Variants in PI4KA observed in about 807,000 individuals in gnomAD.
The protein encoded by PI4KA is PI4-kinase alpha.
In PI4KA, 122 loss-of-function variants were observed where a neutral mutation model predicts 271.4. The ratio of observed to expected loss-of-function variants is 0.45; its 90% CI spans 0.39 to 0.52. The LOEUF is 0.52. Among genes scored for constraint, PI4KA ranks in the 20% least tolerant of loss-of-function variants. The probability of loss-of-function intolerance (pLI) is 0.00; values close to 1 mark genes in which losing one functional copy is unlikely to be tolerated. For synonymous variants in PI4KA, 1,041 were observed against 1,078.8 expected (o/e 0.96, Z 0.69); for missense variants, 1,969 against 2,769.1 (o/e 0.71, Z 6.48).
At chr22:20,840,137 G>A (rs1487194444) in intron 1 of PI4KA, among the ~76,000 whole-genome samples, 3 of 152,176 alleles carry the variant, frequency 2.0e-5, no homozygotes, top group South Asian at 2.1e-4. Flanking sequence ...CTAGAAGACA[G>A]CACGAAGACT....
intron 19 of PI4KA, chr22:20,779,055 A>T: frequency 4.5e-6 from 4 of 883,210 alleles, no homozygotes; most frequent in African/African-American, 1.7e-5. Context: ...GCAAACCTTT[A>T]AAGAAGGGAT....
chr22:20,739,764 A>AT (rs1271247554), intron 32 of PI4KA, among the ~76,000 whole-genome samples: 1 of 152,158 alleles, frequency 6.6e-6, no homozygotes, highest in African/African-American at 2.4e-5. Context: ...AATGCAAACT[A>AT]TAAAAAAGAA....
intron 19 of PI4KA, among the ~76,000 whole-genome samples, chr22:20,788,347 A>G (rs1269690350): frequency 6.6e-6 from 1 of 152,182 alleles, no homozygotes; most frequent in African/African-American, 2.4e-5. Flanking sequence ...TACCAGTAAG[A>G]AGAGTGGTAA....
At chr22:20,748,714 T>A (rs1930371083) in intron 28 of PI4KA, among the ~76,000 whole-genome samples, 1 of 152,210 alleles carries the variant, frequency 6.6e-6, no homozygotes, top group Non-Finnish European at 1.5e-5. Flanking sequence ...GGGGGACTCC[T>A]GGAGCTCCAG....
chr22:20,813,393 T>C lies in PI4KA; in HGVS notation c.970A>G (p.Ile324Val), dbSNP rs747346817. 4 of 1,613,666 alleles carry C rather than the reference T, an allele frequency of 2.5e-6. No individual in the cohort carries two copies. The highest frequency in any genetic ancestry group is 2.2e-5 in the South Asian group (2 of 91,090). ...FNGVTYKEFN[I>V]PLEMLRELLN... ...AGTTCCCGAAGCATTTCCAATGGAA[T>C]GTTAAACTCCTTATATGTGACACCG... is the stretch of plus-strand genomic sequence containing the variant. Residue 324 changes from isoleucine (I) to valine (V), a missense_variant, in exon 8 of 55, where the codon ATT becomes GTT. Physicochemically the swap from Ile to Val is conservative, Grantham distance 29. This residue lies in a region of PI4KA where 540 missense variants were observed against 555.5 expected (regional missense o/e 0.97). Coordinates refer to ENST00000255882, the MANE Select transcript of PI4KA (RefSeq NM_058004.4).
At chr22:20,801,944 G>C in intron 14 of PI4KA, 29 bp downstream of exon 14, 1 of 1,612,164 alleles carries the variant, frequency 6.2e-7, no homozygotes, top group African/African-American at 1.3e-5. Flanking sequence ...GAGCACTGCT[G>C]TCTACTCGCC....
chr22:20,764,317 C>A (rs1475916875), intron 22 of PI4KA, among the ~76,000 whole-genome samples: 2 of 152,330 alleles, frequency 1.3e-5, no homozygotes, highest in East Asian at 3.9e-4. Context: ...AACATGATAA[C>A]AGCTGTAGAT....
chr22:20,713,051 T>G lies in PI4KA; in HGVS notation c.5571+230A>C, dbSNP rs955709968. ...TGTGTGAGATAAGGCACCCAACCCC[T>G]GGACAGTTCCCTCAGGTGGGCACTG... On this transcript the variant is annotated intron_variant, in intron 48 of 54. Coordinates refer to ENST00000255882, the MANE Select transcript of PI4KA (RefSeq NM_058004.4). 8 of 644,252 alleles carry G rather than the reference T, an allele frequency of 1.2e-5. No homozygotes were observed. In the African/African-American group the frequency reaches 1.5e-4, roughly 12 times the overall value. The allele number at this position is 644,252 out of a possible 1,614,324, so 39.9% of individuals were successfully genotyped here. A position where few individuals can be genotyped will look rare whatever the true frequency, so the allele number is the denominator to read the frequency against.
intron 8 of PI4KA, among the ~76,000 whole-genome samples, chr22:20,812,023 A>G (rs909500615): frequency 6.6e-6 from 1 of 151,864 alleles, no homozygotes; most frequent in Non-Finnish European, 1.5e-5. Flanking sequence ...AAAAAAAAAA[A>G]AAAAAAAAAG....
At chr22:20,820,183 A>G (rs924184707) in intron 5 of PI4KA, among the ~76,000 whole-genome samples, 2 of 152,230 alleles carry the variant, frequency 1.3e-5, no homozygotes, top group African/African-American at 2.4e-5. Context: ...TAGCTAGGCC[A>G]TATTATCAAG....
At chr22:20,806,031 G>A (rs995950468) in intron 10 of PI4KA, among the ~76,000 whole-genome samples, 2 of 152,064 alleles carry the variant, frequency 1.3e-5, no homozygotes, top group Admixed American at 1.3e-4. Flanking sequence ...AAGGCAGCCA[G>A]CAACACACAG....
Position 20,834,531 on chromosome 22 carries a change from T to C in PI4KA, c.367+31A>G, listed in dbSNP as rs138315600. On this transcript the variant is annotated intron_variant, in intron 3 of 54. Transcript: ENST00000255882. ...GACACTGAACATGTGTATTTTCTCT[T>C]ATATTCAGGGAAAACATTATATACA... is the stretch of plus-strand genomic sequence containing the variant. 4.0e-4 allele frequency: 518 copies of C among 1,281,004 alleles called. No individual in the cohort carries two copies. In the African/African-American group the frequency reaches 6.2e-3, roughly 15 times the overall value. 79.4% of individuals were successfully genotyped at this position (1,281,004 alleles called of 1,614,324 possible). A position where few individuals can be genotyped will look rare whatever the true frequency, so the allele number is the denominator to read the frequency against.
At position 20,851,565 on chromosome 22, in the gene PI4KA, T is replaced by C. The variant is rs182766427; in HGVS notation, c.156+7005A>G. On this transcript the variant is annotated intron_variant, in intron 1 of 54. Transcript: ENST00000255882. Reference sequence around the variant, plus strand: ...GTTGGCCAGGCTGGTCTCGAACTCCTGACCTCAGGTGATGTGCCTGCCTCA... The same window carrying C: ...GTTGGCCAGGCTGGTCTCGAACTCCCGACCTCAGGTGATGTGCCTGCCTCA... 1.3e-4 allele frequency among the ~76,000 whole-genome samples: 20 copies of C among 152,276 alleles called. No homozygotes were observed. In the East Asian group the frequency reaches 3.7e-3, roughly 28 times the overall value.
chr22:20,788,139 T>C (rs968519665), intron 19 of PI4KA, among the ~76,000 whole-genome samples: 6 of 152,232 alleles, frequency 3.9e-5, no homozygotes, highest in African/African-American at 1.2e-4. Context: ...AGGGGATGAC[T>C]GACGGTCACA....
chr22:20,729,141 C>G (rs1048158604), intron 39 of PI4KA, among the ~76,000 whole-genome samples, 172 bp downstream of exon 39: 1 of 152,236 alleles, frequency 6.6e-6, no homozygotes, highest in Admixed American at 6.5e-5. Flanking sequence ...GCTGGGTTAT[C>G]TCTGCACAGA....
chr22:20,801,795 A>G (rs1010135599), intron 14 of PI4KA, among the ~76,000 whole-genome samples, 178 bp downstream of exon 14: 2 of 152,144 alleles, frequency 1.3e-5, no homozygotes, highest in African/African-American at 4.8e-5. Flanking sequence ...CTGAGGCAGG[A>G]AAATAGCTTG....
chr22:20,775,551 C>T (rs894725951), intron 19 of PI4KA, among the ~76,000 whole-genome samples: 2 of 152,204 alleles, frequency 1.3e-5, no homozygotes, highest in Non-Finnish European at 2.9e-5. Context: ...GCCTCAGATA[C>T]GTTTTCCTGA....
rs1446222569 is a variant in PI4KA at position 20,848,239 on chromosome 22, A to AG, written c.157-9509_157-9508insC. 3.3e-3 allele frequency among the ~76,000 whole-genome samples: 431 copies of AG among 130,088 alleles called. 5 individuals carry two copies. The East Asian group carries it at 0.034, about 10-fold the overall frequency. 85.3% of individuals were successfully genotyped at this position (130,088 alleles called of 152,430 possible). A position where few individuals can be genotyped will look rare whatever the true frequency, so the allele number is the denominator to read the frequency against. Reference sequence around the variant, plus strand: ...GGTGACAGAGCGAGACTCCATCTCAAAAAAAAAAAAAAAAAAAAAAAGGGA... The same window carrying AG: ...GGTGACAGAGCGAGACTCCATCTCAAGAAAAAAAAAAAAAAAAAAAAAGGGA... On this transcript the variant is annotated intron_variant, in intron 1 of 54. Transcript: ENST00000255882.
At chr22:20,765,564 G>T in intron 20 of PI4KA, 21 bp downstream of exon 20, 2 of 1,487,196 alleles carry the variant, frequency 1.3e-6, no homozygotes, top group Non-Finnish European at 1.9e-6. Flanking sequence ...GTCTTCACTG[G>T]GAGAGAGATG....
Sources: gnomAD v4.1 joint callset for allele counts (sites outside exome capture counted in the v4.1 genomes callset) on GRCh38, gnomAD v4.1.1 for gene constraint, gnomAD v4.1.1 regional missense constraint, MANE v1.5 for transcripts, NCBI Gene and HGNC (gene_info 2026-07-23, HGNC 2026-07-21) for gene names.